Variants in SPTA1 observed in about 807,000 individuals in gnomAD.
SPTA1 encodes the protein spectrin alpha chain, erythrocytic 1.
Under a neutral mutation model 324.7 loss-of-function variants are expected in SPTA1, and 177 were observed. That is an observed-to-expected ratio of 0.55 (90% CI 0.48 to 0.62). The LOEUF (loss-of-function observed/expected upper bound fraction) is 0.62. Among genes scored for constraint, SPTA1 ranks in the 20% least tolerant of loss-of-function variants. The pLI is 0.00. For missense variants in SPTA1, 3,162 were observed against 2,883.6 expected (o/e 1.10, Z -2.21); for synonymous variants, 1,195 against 1,041.3 (o/e 1.15, Z -2.84).
chr1:158,662,708 A>G lies in SPTA1; in HGVS notation c.2458T>C (p.Tyr820His), dbSNP rs1292334518. The G allele has an allele frequency of 6.2e-7, 1 of 1,613,852 alleles. No individual in the cohort carries two copies. Among genetic ancestry groups the G allele is most frequent in the Non-Finnish European group, 8.5e-7 (1 of 1,179,922 alleles). ...QETEPSATSTYLGKDLIASKK... is the reference protein window; with the variant it reads ...QETEPSATSTHLGKDLIASKK... The stretch of plus-strand genomic sequence containing the variant: ...CTGCTCAGGCTGTACTAACCAAGGT[A>G]GGTGGAAGTAGCTGAGGGTTCAGTC... The change falls in exon 17 of 52, where the codon TAC becomes CAC. Residue 820 changes from tyrosine to histidine, a missense_variant. Coordinates refer to ENST00000643759, the MANE Select transcript of SPTA1 (RefSeq NM_003126.4).
intron 3 of SPTA1, among the ~76,000 whole-genome samples, chr1:158,682,346 C>T (rs1164322987): frequency 6.6e-6 from 1 of 152,156 alleles, no homozygotes; most frequent in African/African-American, 2.4e-5. Flanking sequence ...CGCAATGGTA[C>T]CATTTGCTAT....
At position 158,669,208 on chromosome 1, in the gene SPTA1, G is replaced by A. The variant is rs146827403; in HGVS notation, c.1833+200C>T. 2.2e-3 allele frequency among the ~76,000 whole-genome samples: 334 copies of A among 152,224 alleles called. 2 individuals are homozygous for A. Among genetic ancestry groups the A allele is most frequent in the African/African-American group, 7.8e-3 (325 of 41,512 alleles). ...AAGAGGTGAAGAACATCAGAATATA[G>A]GAAAACCAAAATCTAGATCCTTGAT... On this transcript the variant is annotated intron_variant, in intron 14 of 51. Transcript: ENST00000643759.
intron 34 of SPTA1, 40 bp downstream of exon 34, chr1:158,639,830 A>T: frequency 6.2e-7 from 1 of 1,613,786 alleles, no homozygotes; most frequent in Non-Finnish European, 8.5e-7. Context: ...ACAAGTATGT[A>T]TTAAACTCTT....
intron 11 of SPTA1, 41 bp downstream of exon 11, chr1:158,672,018 G>A (rs769719677): frequency 6.2e-7 from 1 of 1,612,318 alleles, no homozygotes; most frequent in Non-Finnish European, 8.5e-7. Flanking sequence ...TGAAGGGTGA[G>A]AGAAATTACT....
In SPTA1 at chr1:158,624,656, T is replaced by C. The variant is rs6685244; in HGVS notation, c.5911-1464A>G. ...GCTAAAGAGACATAACTTGGCATAATGGGTAACTGTCAGCCAGGATTTGAG... is the reference window on the plus strand; with the variant it reads ...GCTAAAGAGACATAACTTGGCATAACGGGTAACTGTCAGCCAGGATTTGAG... On this transcript the variant is annotated intron_variant, in intron 42 of 51. Transcript: ENST00000643759. Among the ~76,000 whole-genome samples, 1,498 of 152,314 alleles carry C rather than the reference T, an allele frequency of 9.8e-3. 25 individuals carry two copies. The highest frequency in any genetic ancestry group is 0.034 in the African/African-American group (1,429 of 41,566).
At position 158,657,489 on chromosome 1, in the gene SPTA1, T is replaced by C. The variant is rs1652910761; in HGVS notation, c.2793A>G (p.Glu931=). The C allele has an allele frequency of 6.4e-7, 1 of 1,555,190 alleles. No homozygotes were observed. Among genetic ancestry groups the C allele is most frequent in the Non-Finnish European group, 8.9e-7 (1 of 1,127,024 alleles). ...ACCCCCACCTTACCCCAGCTGCTTC[T>C]TCATCAGCACCATAGTTAGTATTAT... ...IVDNTNYGAD[E]EAAGALLKKH... Residue 931 remains glutamate (E), a synonymous_variant, in exon 19 of 52, where the codon GAA becomes GAG. Coordinates refer to ENST00000643759, the MANE Select transcript of SPTA1 (RefSeq NM_003126.4).
chr1:158,657,644 T>C lies in SPTA1; in HGVS notation c.2638A>G (p.Asn880Asp), dbSNP rs2101878903. ...GCTCGAGCACGGAGAGACTCCATATTCTGGTTCAAACTCTTGACCCTAGAG... is the reference window on the plus strand; with the variant it reads ...GCTCGAGCACGGAGAGACTCCATATCCTGGTTCAAACTCTTGACCCTAGAG... ...VASRVKSLNQ[N>D]MESLRARAAR... Residue 880 changes from asparagine to aspartate, a missense_variant, in exon 19 of 52, where the codon AAT becomes GAT. Asn to Asp is a conservative substitution (Grantham distance 23, BLOSUM62 1). Transcript: ENST00000643759. The C allele has an allele frequency of 6.2e-7, 1 of 1,614,034 alleles. No homozygotes were observed.
chr1:158,635,345 T>A (rs547213003), intron 38 of SPTA1, among the ~76,000 whole-genome samples: 1 of 151,664 alleles, frequency 6.6e-6, no homozygotes, highest in African/African-American at 2.4e-5. Flanking sequence ...CTTGCTAAGA[T>A]GTTCTTCTTT....
chr1:158,682,783 T>C (rs755789808), intron 3 of SPTA1, among the ~76,000 whole-genome samples: 23 of 152,178 alleles, frequency 1.5e-4, no homozygotes, highest in African/African-American at 5.1e-4. Context: ...AATAATAGAT[T>C]ACAGAGTATG....
intron 2 of SPTA1, among the ~76,000 whole-genome samples, chr1:158,684,897 T>A (rs1244877646): frequency 6.6e-6 from 1 of 152,164 alleles, no homozygotes; most frequent in Non-Finnish European, 1.5e-5. Context: ...ATTTTCTCAG[T>A]CTCACCTCTC....
chr1:158,662,793 G>T lies in SPTA1; in HGVS notation c.2373C>A (p.Asp791Glu), dbSNP rs7418956. Residue 791 changes from aspartate (D) to glutamate (E), a missense_variant, in exon 17 of 52, where the codon GAC (aspartate) becomes GAA (glutamate). Asp to Glu is a conservative substitution (Grantham distance 45, BLOSUM62 2). Coordinates refer to ENST00000643759, the MANE Select transcript of SPTA1 (RefSeq NM_003126.4). ...TACAAATCAGCTGCAGATGGAGAAG[G>T]TCTAAGAGCTTCTTCTTTCGGGTGG... ...PLATRKKKLL[D>E]LLHLQLICRD... 2.8e-3 allele frequency: 4,543 copies of T among 1,614,022 alleles called. 97 individuals are homozygous for T. In the African/African-American group the frequency reaches 0.052, roughly 19 times the overall value.
At chr1:158,633,303 A>G (rs1650810399) in intron 39 of SPTA1, among the ~76,000 whole-genome samples, 1 of 152,180 alleles carries the variant, frequency 6.6e-6, no homozygotes, top group African/African-American at 2.4e-5. Context: ...TGTTTCCATT[A>G]GAGAAAACTT....
At chr1:158,633,209 T>A (rs186203878) in intron 39 of SPTA1, among the ~76,000 whole-genome samples, 38 of 152,290 alleles carry the variant, frequency 2.5e-4, no homozygotes, top group Admixed American at 2.2e-3. Flanking sequence ...ACAGCAGTGA[T>A]CCTTGTGATG....
chr1:158,628,866 C>CT (rs1571397120), intron 39 of SPTA1, among the ~76,000 whole-genome samples: 1 of 152,098 alleles, frequency 6.6e-6, no homozygotes, highest in African/African-American at 2.4e-5. Flanking sequence ...AAACAGACAA[C>CT]TTGCAAAGAC....
intron 43 of SPTA1, 44 bp downstream of exon 43, chr1:158,622,939 T>C (rs1388203463): frequency 1.3e-6 from 2 of 1,516,792 alleles, no homozygotes; most frequent in East Asian, 4.5e-5. Context: ...ATGGCTAATA[T>C]ACAGGTAACA....
rs1181474815 is a variant in SPTA1, at chr1:158,642,884, A to C, written c.4535T>G (p.Leu1512Arg). The change falls in exon 32 of 52, where the codon CTG becomes CGG. Residue 1512 changes from leucine (L) to arginine (R), a missense_variant. Coordinates refer to ENST00000643759, the MANE Select transcript of SPTA1 (RefSeq NM_003126.4). ...CAGCATCTCACTGATCCATTCTTCC[A>C]GCTCCTCAAGGTCTCGGTAGAATTG... ...LKQFYRDLEELEEWISEMLPT... is the reference protein window; with the variant it reads ...LKQFYRDLEEREEWISEMLPT... 2.5e-6 allele frequency: 4 copies of C among 1,613,646 alleles called. No individual in the cohort carries two copies. The Admixed American group carries it at 6.7e-5, about 27-fold the overall frequency.
In SPTA1 at chr1:158,686,580, A is replaced by C; in HGVS notation, c.-63T>G. On this transcript the variant is annotated 5_prime_UTR_variant, in exon 1 of 52. In the 5' UTR this introduces an upstream ATG that the reference lacks. Coordinates refer to ENST00000643759, the MANE Select transcript of SPTA1 (RefSeq NM_003126.4). Reference sequence around the variant, plus strand: ...GTCAGAGAGAGAGAGAGAGAGAAATAATTCAAATGGAACTGTCCAGTCGAA... The same window carrying C: ...GTCAGAGAGAGAGAGAGAGAGAAATCATTCAAATGGAACTGTCCAGTCGAA... 7 of 1,311,724 alleles carry C rather than the reference A, an allele frequency of 5.3e-6. No homozygotes were observed. Among genetic ancestry groups the C allele is most frequent in the Non-Finnish European group, 7.7e-6 (7 of 905,294 alleles). 81.3% of individuals were successfully genotyped at this position (1,311,724 alleles called of 1,614,324 possible). A position where few individuals can be genotyped will look rare whatever the true frequency, so the allele number is the denominator to read the frequency against.
In SPTA1 at chr1:158,659,595, A is replaced by ATTATTTTTTTTTTTTTTTTTTTTTTTTT. The variant is rs1345384278; in HGVS notation, c.2587+1691_2587+1692insAAAAAAAAAAAAAAAAAAAAAAAAATAA. Among the ~76,000 whole-genome samples, 7 of 68,780 alleles carry ATTATTTTTTTTTTTTTTTTTTTTTTTTT rather than the reference A, an allele frequency of 1.0e-4. 1 individual carries two copies. The highest frequency in any genetic ancestry group is 4.5e-4 in the East Asian group (1 of 2,246). The allele number at this position is 68,780 out of a possible 152,430, so 45.1% of individuals were successfully genotyped here. A position where few individuals can be genotyped will look rare whatever the true frequency, so the allele number is the denominator to read the frequency against. ...AAAAGAAAATAATAGTCTTAGCATTATTTTTTTTTTTTTTTTTTTTTTTTT... is the reference window on the plus strand; with the variant it reads ...AAAAGAAAATAATAGTCTTAGCATTATTATTTTTTTTTTTTTTTTTTTTTTTTTTTTTTTTTTTTTTTTTTTTTTTTTT... On this transcript the variant is annotated intron_variant, in intron 18 of 51. Transcript: ENST00000643759.
chr1:158,647,732 C>A lies in SPTA1; in HGVS notation c.3715-12G>T, dbSNP rs377108312. The A allele has an allele frequency of 1.2e-6, 2 of 1,613,588 alleles. No homozygotes were observed. The highest frequency in any genetic ancestry group is 2.7e-5 in the African/African-American group (2 of 74,880). ...CCCAGTATGGTCACCTGGGGAGGTACAATAGCTCTGATAATCAGCCTAGAG... is the reference window on the plus strand; with the variant it reads ...CCCAGTATGGTCACCTGGGGAGGTAAAATAGCTCTGATAATCAGCCTAGAG... On this transcript the variant is annotated splice_polypyrimidine_tract_variant and intron_variant, in intron 26 of 51. Transcript: ENST00000643759.
Sources: allele counts gnomAD v4.1 joint callset (sites outside exome capture counted in the v4.1 genomes callset), GRCh38; gene constraint gnomAD v4.1.1; transcripts MANE v1.5; gene names NCBI Gene and HGNC (gene_info 2026-07-23, HGNC 2026-07-21).